GLUL: variants seen among roughly 807,000 people sequenced by gnomAD.
GLUL encodes glutamate-ammonia ligase.
Under a neutral mutation model 36.9 loss-of-function variants are expected in GLUL, and 8 were observed. That is an observed-to-expected ratio of 0.22 (90% CI 0.13 to 0.39). The LOEUF is 0.39. Ranked by LOEUF, GLUL falls within the 10% of genes least tolerant of loss-of-function variation. The pLI is 1.00. For synonymous variants in GLUL, 182 were observed against 172.8 expected (o/e 1.05, Z -0.42); for missense variants, 315 against 501.8 (o/e 0.63, Z 3.56).
rs1649913104 is a variant in GLUL at position 182,381,177 on chromosome 1, G to A, written c.*3228C>T. On this transcript the variant is annotated 3_prime_UTR_variant, in exon 7 of 7. Coordinates refer to ENST00000331872, the MANE Select transcript of GLUL (RefSeq NM_001033044.4). ...AGCTACTTGGGAGGCTGAGGCAGGA[G>A]AATCGCTTGAATCTGGGAGGCAGAA... Among the ~76,000 whole-genome samples the A allele has an allele frequency of 6.6e-6, 1 of 152,214 alleles. No individual in the cohort carries two copies. Among genetic ancestry groups the A allele is most frequent in the African/African-American group, 2.4e-5 (1 of 41,442 alleles).
At chr1:182,386,569 G>C in intron 3 of GLUL, 167 bp from the exon 4 acceptor site, 1 of 703,096 alleles carries the variant, frequency 1.4e-6, no homozygotes, top group Non-Finnish European at 2.6e-6. Flanking sequence ...AGAAAAATGA[G>C]AGAAGCTGTT....
At position 182,388,770 on chromosome 1, in the gene GLUL, T is replaced by C; in HGVS notation, c.-13-20A>G. 2 of 1,582,758 alleles carry C rather than the reference T, an allele frequency of 1.3e-6. No individual in the cohort carries two copies. Among genetic ancestry groups the C allele is most frequent in the African/African-American group, 2.7e-5 (2 of 74,394 alleles). On this transcript the variant is annotated intron_variant, in intron 1 of 6. Coordinates refer to ENST00000331872, the MANE Select transcript of GLUL (RefSeq NM_001033044.4). ...GGTGTTCTGGAGAAGAAAAAAAGAA[T>C]AACATTGTTAACGCCCACTCCAAAC...
At chr1:182,388,787 A>G in intron 1 of GLUL, 37 bp from the exon 2 acceptor site, 1 of 1,511,342 alleles carries the variant, frequency 6.6e-7, no homozygotes, top group Non-Finnish European at 9.2e-7. Context: ...GTTAACGCCC[A>G]CTCCAAACTG....
chr1:182,390,995 G>C (rs1055448112), intron 1 of GLUL: 2 of 397,640 alleles, frequency 5.0e-6, no homozygotes, highest in African/African-American at 4.1e-5. Flanking sequence ...CTGCCGCCGA[G>C]GGGTTGGGGG....
At chr1:182,391,421 C>T (rs1650412791) in intron 1 of GLUL, 1 of 391,988 alleles carries the variant, frequency 2.6e-6, no homozygotes, top group Non-Finnish European at 4.5e-6. Flanking sequence ...AAGATCAAAA[C>T]AACTCACCCC....
At position 182,385,454 on chromosome 1, in the gene GLUL, C is replaced by T. The variant is rs1459146054; in HGVS notation, c.706G>A (p.Ala236Thr). The T allele has an allele frequency of 6.2e-7, 1 of 1,613,846 alleles. No homozygotes were observed. Residue 236 changes from alanine (A) to threonine (T), a missense_variant, in exon 6 of 7, where the codon GCA becomes ACA. Around this residue, in one of 3 missense-constraint regions of GLUL, gnomAD observed 256 missense variants for 396.1 expected, o/e 0.65. Coordinates refer to ENST00000331872, the MANE Select transcript of GLUL (RefSeq NM_001033044.4). ...GGAATGGGCTTAGGATCAAAGGTTG[C>T]TATCACTCCAAAGTCTTCACACACA... is the stretch of plus-strand genomic sequence containing the variant. ...HRVCEDFGVI[A>T]TFDPKPIPGN...
chr1:182,388,188 ACAGTTT>A (rs1172508546), intron 2 of GLUL, among the ~76,000 whole-genome samples: 2 of 152,300 alleles, frequency 1.3e-5, no homozygotes, highest in Non-Finnish European at 2.9e-5. Context: ...AGTATTAAAC[ACAGTTT>A]TCTAAGAGTT....
Position 182,378,227 on chromosome 1 carries a change from G to A in GLUL, c.*6178C>T, listed in dbSNP as rs74645809. Among the ~76,000 whole-genome samples the A allele has an allele frequency of 0.02, 2,972 of 152,264 alleles. 41 individuals are homozygous for A. The highest frequency in any genetic ancestry group is 0.034 in the Admixed American group (518 of 15,298). On this transcript the variant is annotated 3_prime_UTR_variant, in exon 7 of 7. Coordinates refer to ENST00000331872, the MANE Select transcript of GLUL (RefSeq NM_001033044.4). ...CTACGCCGTACAGTGGAGGAAACAC[G>A]CTGCAATCTCAAGACAATGCAGGTA...
chr1:182,384,233 AC>A lies in GLUL; in HGVS notation c.*171del, dbSNP rs1650065229. ...TAGGTGTGAAGAAATTAATAACTTG[AC>A]CCCTCTATCCCAGCCAAACAAAGAA... On this transcript the variant is annotated 3_prime_UTR_variant, in exon 7 of 7. Coordinates refer to ENST00000331872, the MANE Select transcript of GLUL (RefSeq NM_001033044.4). 1.5e-6 allele frequency: 1 copy of A among 648,502 alleles called. No individual in the cohort carries two copies. Among genetic ancestry groups the A allele is most frequent in the African/African-American group, 1.8e-5 (1 of 54,802 alleles). The allele number at this position is 648,502 out of a possible 1,614,324, so 40.2% of individuals were successfully genotyped here.
chr1:182,383,560 C>T lies in GLUL; in HGVS notation c.*845G>A, dbSNP rs1650031395. 1 of 152,186 alleles carries T rather than the reference C, an allele frequency of 6.6e-6. No homozygotes were observed. Among genetic ancestry groups the T allele is most frequent in the Non-Finnish European group, 1.5e-5 (1 of 68,040 alleles). 9.4% of individuals were successfully genotyped at this position (152,186 alleles called of 1,614,324 possible). A position where few individuals can be genotyped will look rare whatever the true frequency, so the allele number is the denominator to read the frequency against. On this transcript the variant is annotated 3_prime_UTR_variant, in exon 7 of 7. Coordinates refer to ENST00000331872, the MANE Select transcript of GLUL (RefSeq NM_001033044.4). ...AGAAACCCAAAAGGGTCTTGAGGGC[C>T]TAATCCCAGATCACCATCTAAGAAC... is the stretch of plus-strand genomic sequence containing the variant.
intron 3 of GLUL, chr1:182,386,681 C>G (rs1009747048): frequency 7.7e-6 from 4 of 516,446 alleles, no homozygotes; most frequent in African/African-American, 7.7e-5. Context: ...CAACTTTCAC[C>G]TTATCTGCAT....
In GLUL at chr1:182,380,763, C is replaced by G. The variant is rs1286572394; in HGVS notation, c.*3642G>C. ...AGGCACTACAACAGGTCTCAAGATA[C>G]AGTGGTGAGCAAGAAAAACAGGATC... is the stretch of plus-strand genomic sequence containing the variant. On this transcript the variant is annotated 3_prime_UTR_variant, in exon 7 of 7. Transcript: ENST00000331872. Among the ~76,000 whole-genome samples the G allele has an allele frequency of 6.6e-6, 1 of 152,336 alleles. No individual in the cohort carries two copies. Among genetic ancestry groups the G allele is most frequent in the East Asian group, 1.9e-4 (1 of 5,194 alleles).
chr1:182,381,888 C>T lies in GLUL; in HGVS notation c.*2517G>A, dbSNP rs1018455029. On this transcript the variant is annotated 3_prime_UTR_variant, in exon 7 of 7. Coordinates refer to ENST00000331872, the MANE Select transcript of GLUL (RefSeq NM_001033044.4). ...AAAATGCTAAGGATGAAACAGGGTA[C>T]TCAACAATCATGCTGAAACAGGCAT... is the stretch of plus-strand genomic sequence containing the variant. 1.3e-5 allele frequency: 2 copies of T among 152,146 alleles called. No individual in the cohort carries two copies. Among genetic ancestry groups the T allele is most frequent in the Non-Finnish European group, 2.9e-5 (2 of 68,030 alleles). 9.4% of individuals were successfully genotyped at this position (152,146 alleles called of 1,614,324 possible).
At chr1:182,390,325 G>T (rs1312954688) in intron 1 of GLUL, 1 of 396,696 alleles carries the variant, frequency 2.5e-6, no homozygotes, top group Non-Finnish European at 4.4e-6. Context: ...CTCAGTTTCG[G>T]ATCTCTTGCT....
intron 6 of GLUL, 75 bp from the exon 7 acceptor site, chr1:182,384,798 T>C: frequency 2.9e-6 from 3 of 1,044,126 alleles, no homozygotes; most frequent in South Asian, 2.5e-5. Flanking sequence ...CACCAAAATA[T>C]GATACCAGTA....
chr1:182,386,886 A>G (rs1217232684), intron 3 of GLUL: 1 of 569,498 alleles, frequency 1.8e-6, no homozygotes, highest in African/African-American at 1.9e-5. Flanking sequence ...TGGGGACTCC[A>G]AGACCGGCAA....
intron 3 of GLUL, chr1:182,386,706 A>C (rs906161909): frequency 1.6e-5 from 8 of 491,106 alleles, no homozygotes; most frequent in African/African-American, 1.6e-4. Context: ...GCCACCTCCC[A>C]AGCACCAAAT....
chr1:182,387,080 C>CACAG, intron 3 of GLUL, 51 bp downstream of exon 3: 1 of 1,398,262 alleles, frequency 7.2e-7, no homozygotes, highest in Non-Finnish European at 1.0e-6. Context: ...CCCTCCCCTT[C>CACAG]ACAGCATTCA....
Position 182,387,132 on chromosome 1 carries a change from T to A in GLUL, c.327A>T (p.Ala109=). 1 of 1,612,358 alleles carries A rather than the reference T, an allele frequency of 6.2e-7. No homozygotes were observed. Among genetic ancestry groups the A allele is most frequent in the Non-Finnish European group, 8.5e-7 (1 of 1,178,456 alleles). ...CEVFKYNRRP[A]ETNLRHTCKR... ...ATCCATAGCTGTGCTATAACACACC[T>A]GCAGGCCTTCGATTGTACTTGAAAA... Residue 109 remains alanine, a splice_region_variant and synonymous_variant, in exon 3 of 7, where the codon GCA becomes GCT. Coordinates refer to ENST00000331872, the MANE Select transcript of GLUL (RefSeq NM_001033044.4).
Sources: allele counts gnomAD v4.1 joint callset (sites outside exome capture counted in the v4.1 genomes callset), GRCh38; gene constraint gnomAD v4.1.1; regional missense constraint gnomAD v4.1.1; transcripts MANE v1.5; gene names NCBI Gene and HGNC (gene_info 2026-07-23, HGNC 2026-07-21).